The following METTL2A variants were observed in gnomAD, a reference collection of about 807,000 sequenced individuals.
The protein encoded by METTL2A is tRNA N(3)-cytidine methyltransferase METTL2A.
In METTL2A, 45 loss-of-function variants were observed where a neutral mutation model predicts 49.4. The observed-to-expected ratio is 0.91, with a 90% CI of 0.72 to 1.17. The LOEUF is 1.17. Ranked by LOEUF, METTL2A falls within the 50% of genes most tolerant of loss-of-function variation. METTL2A has a pLI of 0.00. For synonymous variants in METTL2A, 118 were observed against 167.5 expected (o/e 0.70, Z 2.28); for missense variants, 361 against 462.2 (o/e 0.78, Z 2.01).
chr17:62,448,880 T>C lies in METTL2A; in HGVS notation c.*151T>C. The C allele has an allele frequency of 8.3e-7, 1 of 1,198,280 alleles. No individual in the cohort carries two copies. Among genetic ancestry groups the C allele is most frequent in the Non-Finnish European group, 1.1e-6 (1 of 886,854 alleles). 74.2% of individuals were successfully genotyped at this position (1,198,280 alleles called of 1,614,324 possible). A position where few individuals can be genotyped will look rare whatever the true frequency, so the allele number is the denominator to read the frequency against. ...ATCCATTGAGCCCAGCAGTCCAACC[T>C]GGGCAAAATAGTGAGAGACCCTGTA... On this transcript the variant is annotated 3_prime_UTR_variant, in exon 9 of 9. Coordinates refer to ENST00000311506, the MANE Select transcript of METTL2A (RefSeq NM_181725.4).
At chr17:62,425,994 C>G (rs1275736576) in intron 2 of METTL2A, among the ~76,000 whole-genome samples, 2 of 147,194 alleles carry the variant, frequency 1.4e-5, no homozygotes, top group East Asian at 4.0e-4. Context: ...GAGCGAGACT[C>G]TGTCTCAAAA....
In METTL2A at chr17:62,449,245, G is replaced by T. The variant is rs910148770; in HGVS notation, c.*516G>T. On this transcript the variant is annotated 3_prime_UTR_variant, in exon 9 of 9. Coordinates refer to ENST00000311506, the MANE Select transcript of METTL2A (RefSeq NM_181725.4). The stretch of plus-strand genomic sequence containing the variant: ...AAATCTTTTGAGAATGTAAATGCCG[G>T]GCTAGGCAATTGCAGTTAATACATA... The T allele has an allele frequency of 2.6e-5, 7 of 269,140 alleles. No homozygotes were observed. Among genetic ancestry groups the T allele is most frequent in the Non-Finnish European group, 4.4e-5 (6 of 136,086 alleles). 16.7% of individuals were successfully genotyped at this position (269,140 alleles called of 1,614,324 possible). A position where few individuals can be genotyped will look rare whatever the true frequency, so the allele number is the denominator to read the frequency against.
intron 6 of METTL2A, among the ~76,000 whole-genome samples, chr17:62,443,334 C>T (rs1016695420): frequency 5.3e-5 from 8 of 152,194 alleles, no homozygotes; most frequent in African/African-American, 1.7e-4. Flanking sequence ...GCTACGATCA[C>T]ACCACTGCAC....
intron 4 of METTL2A, among the ~76,000 whole-genome samples, chr17:62,428,157 G>GTT (rs2070640898): frequency 6.6e-6 from 1 of 152,190 alleles, no homozygotes; most frequent in African/African-American, 2.4e-5. Flanking sequence ...ACTTGCTAGT[G>GTT]TTAACATTTA....
chr17:62,439,918 C>T (rs1015581482), intron 5 of METTL2A, among the ~76,000 whole-genome samples: 7 of 152,094 alleles, frequency 4.6e-5, no homozygotes, highest in Non-Finnish European at 8.8e-5. Flanking sequence ...TTAGATTCCT[C>T]ACTGTCTCCC....
At position 62,423,908 on chromosome 17, in the gene METTL2A, C is replaced by G; in HGVS notation, c.6C>G (p.Ala2=). 6.2e-7 allele frequency: 1 copy of G among 1,612,736 alleles called. No homozygotes were observed. Reference sequence around the variant, plus strand: ...GTGTTTCCGGCTCCGGTGTCATGGCCGGCTCCTACCCTGAAGGTGCACCTG... The same window carrying G: ...GTGTTTCCGGCTCCGGTGTCATGGCGGGCTCCTACCCTGAAGGTGCACCTG... The part of the protein sequence containing the change: M[A]GSYPEGAPAV... Residue 2 remains alanine (A), a synonymous_variant, in exon 1 of 9, where the codon GCC becomes GCG. Coordinates refer to ENST00000311506, the MANE Select transcript of METTL2A (RefSeq NM_181725.4).
intron 5 of METTL2A, among the ~76,000 whole-genome samples, chr17:62,439,965 C>G (rs567789052): frequency 3.3e-5 from 5 of 151,966 alleles, no homozygotes; most frequent in Admixed American, 2.6e-4. Context: ...TGAGTCCTCC[C>G]TGAAATAACA....
intron 1 of METTL2A, 56 bp downstream of exon 1, chr17:62,424,068 G>C (rs1364759833): frequency 1.9e-5 from 31 of 1,594,496 alleles, no homozygotes; most frequent in Admixed American, 5.4e-5. Flanking sequence ...CCGCCGCCTC[G>C]GAGCACTCCG....
In METTL2A at chr17:62,448,831, A is replaced by G; in HGVS notation, c.*102A>G. On this transcript the variant is annotated 3_prime_UTR_variant, in exon 9 of 9. Transcript: ENST00000311506. ...GTGGTGCATGCCTGTAATCCCAGCC[A>G]CTCAGGAGGCTGAGGCGGGGAGGAT... The G allele has an allele frequency of 6.6e-7, 1 of 1,519,788 alleles. No individual in the cohort carries two copies. The highest frequency in any genetic ancestry group is 1.4e-5 in the African/African-American group (1 of 72,338). 94.1% of individuals were successfully genotyped at this position (1,519,788 alleles called of 1,614,324 possible).
At position 62,452,110 on chromosome 17, in the gene METTL2A, A is replaced by G. The variant is rs1249055411; in HGVS notation, c.*3381A>G. Among the ~76,000 whole-genome samples, 5 of 152,220 alleles carry G rather than the reference A, an allele frequency of 3.3e-5. No homozygotes were observed. Among genetic ancestry groups the G allele is most frequent in the Non-Finnish European group, 7.3e-5 (5 of 68,036 alleles). On this transcript the variant is annotated 3_prime_UTR_variant, in exon 9 of 9. Transcript: ENST00000311506. The stretch of plus-strand genomic sequence containing the variant: ...AATAAATAATTGTATTGAATTTATT[A>G]GTTGTGTCTCAGTCTCCTTCAGTCT...
intron 4 of METTL2A, among the ~76,000 whole-genome samples, chr17:62,432,580 A>G (rs2070672888): frequency 6.6e-6 from 1 of 152,132 alleles, no homozygotes; most frequent in Admixed American, 6.6e-5. Context: ...CGGGCAGATC[A>G]CAAGGTCAGG....
chr17:62,435,363 A>G (rs2070693990), intron 5 of METTL2A, 71 bp downstream of exon 5: 1 of 1,602,084 alleles, frequency 6.2e-7, no homozygotes, highest in Non-Finnish European at 8.5e-7. Flanking sequence ...CTAAAAATCA[A>G]GGTCTCTGGC....
At chr17:62,432,734 G>A (rs940609066) in intron 4 of METTL2A, among the ~76,000 whole-genome samples, 19 of 152,030 alleles carry the variant, frequency 1.2e-4, no homozygotes, top group African/African-American at 3.1e-4. Flanking sequence ...CCTGGGAGGC[G>A]GAGCTTGCAG....
chr17:62,440,659 C>G lies in METTL2A; in HGVS notation c.712C>G (p.His238Asp). Residue 238 changes from histidine (H) to aspartate (D), a missense_variant, in exon 6 of 9, where the codon CAC (histidine) becomes GAC (aspartate). Physicochemically the swap from His to Asp is moderately conservative, Grantham distance 81. This residue lies in a region of METTL2A where 183 missense variants were observed against 216.5 expected (regional missense o/e 0.85). Transcript: ENST00000311506. The stretch of plus-strand genomic sequence containing the variant: ...TCCTTCTCGGTGTTTTGCCTTTGTT[C>G]ACGACCTGTGTGATGAAGAGAAGAG... ...YDPSRCFAFVHDLCDEEKSYP... is the reference protein window; with the variant it reads ...YDPSRCFAFVDDLCDEEKSYP... 2 of 1,613,832 alleles carry G rather than the reference C, an allele frequency of 1.2e-6. No individual in the cohort carries two copies. Among genetic ancestry groups the G allele is most frequent in the Non-Finnish European group, 1.7e-6 (2 of 1,179,962 alleles).
intron 5 of METTL2A, among the ~76,000 whole-genome samples, chr17:62,436,556 AAG>A (rs919218062): frequency 6.6e-6 from 1 of 152,170 alleles, no homozygotes; most frequent in Non-Finnish European, 1.5e-5. Context: ...TCTCAAAAAA[AAG>A]AGAGAGAAAG....
intron 5 of METTL2A, 119 bp downstream of exon 5, chr17:62,435,411 G>A: frequency 1.4e-6 from 2 of 1,423,072 alleles, no homozygotes; most frequent in Admixed American, 1.9e-5. Context: ...CGGTCTAAAA[G>A]TAAAAGATTT....
chr17:62,436,558 G>A (rs1296212016), intron 5 of METTL2A, among the ~76,000 whole-genome samples: 1 of 151,938 alleles, frequency 6.6e-6, no homozygotes, highest in Non-Finnish European at 1.5e-5. Flanking sequence ...TCAAAAAAAA[G>A]AGAGAGAAAG....
At position 62,423,912 on chromosome 17, in the gene METTL2A, T is replaced by C; in HGVS notation, c.10T>C (p.Ser4Pro). The C allele has an allele frequency of 6.2e-7, 1 of 1,613,152 alleles. No individual in the cohort carries two copies. Among genetic ancestry groups the C allele is most frequent in the Non-Finnish European group, 8.5e-7 (1 of 1,179,696 alleles). The change falls in exon 1 of 9, where the codon TCC becomes CCC. Residue 4 changes from serine (S) to proline (P), a missense_variant. By Grantham distance (74) the Ser-to-Pro change is moderately conservative (BLOSUM62 -1). Coordinates refer to ENST00000311506, the MANE Select transcript of METTL2A (RefSeq NM_181725.4). MAG[S>P]YPEGAPAVLA... Reference sequence around the variant, plus strand: ...TTCCGGCTCCGGTGTCATGGCCGGCTCCTACCCTGAAGGTGCACCTGCAGT... The same window carrying C: ...TTCCGGCTCCGGTGTCATGGCCGGCCCCTACCCTGAAGGTGCACCTGCAGT...
rs1407415318 is a variant in METTL2A at position 62,453,082 on chromosome 17, C to T, written c.*4353C>T. Among the ~76,000 whole-genome samples, 2 of 152,228 alleles carry T rather than the reference C, an allele frequency of 1.3e-5. No individual in the cohort carries two copies. The highest frequency in any genetic ancestry group is 4.8e-5 in the African/African-American group (2 of 41,464). On this transcript the variant is annotated 3_prime_UTR_variant, in exon 9 of 9. Transcript: ENST00000311506. ...AAATGATTCTCTAAAGACTGTCCTT[C>T]AGCATCCCTAAAGCATTTCAACACT...
Sources: gnomAD v4.1 joint callset for allele counts (sites outside exome capture counted in the v4.1 genomes callset) on GRCh38, gnomAD v4.1.1 for gene constraint, gnomAD v4.1.1 regional missense constraint, MANE v1.5 for transcripts, NCBI Gene and HGNC (gene_info 2026-07-23, HGNC 2026-07-21) for gene names.